The following LDB2 variants were observed in gnomAD, a reference collection of about 807,000 sequenced individuals.
LDB2 encodes the protein LIM domain-binding protein 2.
Under a neutral mutation model 44.3 loss-of-function variants are expected in LDB2, and 12 were observed. The ratio of observed to expected loss-of-function variants is 0.27; its 90% CI spans 0.17 to 0.44. The LOEUF (loss-of-function observed/expected upper bound fraction) is 0.44. LDB2 is among the 20% of genes least tolerant of loss of function. The pLI, the probability that LDB2 is intolerant of heterozygous loss-of-function variation, is 1.00. For synonymous variants in LDB2, 164 were observed against 174.8 expected, an observed-to-expected ratio of 0.94 and a Z score of 0.49; for missense variants, 344 against 473.5, an observed-to-expected ratio of 0.73 and a Z score of 2.54.
chr4:16,796,128 CA>C (rs945845055), intron 1 of LDB2, among the ~76,000 whole-genome samples: 18 of 147,926 alleles, frequency 1.2e-4, no homozygotes, highest in East Asian at 2.0e-4. Flanking sequence ...CCCATCTCTA[CA>C]AAAAAAAAAT....
At chr4:16,819,460 G>GAAAAA (rs369605183) in intron 1 of LDB2, among the ~76,000 whole-genome samples, 35 of 93,280 alleles carry the variant, frequency 3.8e-4, no homozygotes, top group African/African-American at 5.1e-4. Context: ...CTGCACTCAG[G>GAAAAA]AAAAAAAAAA....
At chr4:16,556,680 C>CTAAG (rs1277901589) in intron 5 of LDB2, among the ~76,000 whole-genome samples, 2 of 152,090 alleles carry the variant, frequency 1.3e-5, no homozygotes, top group East Asian at 3.9e-4. Flanking sequence ...AAGAGAAAAC[C>CTAAG]TAAGTGAACC....
At position 16,767,391 on chromosome 4, in the gene LDB2, G is replaced by T. The variant is rs75516345; in HGVS notation, c.133-8131C>A. On this transcript the variant is annotated intron_variant, in intron 1 of 7. Transcript: ENST00000304523. ...CACAAGCATAGGAAAGAAAGCAAAC[G>T]TAGGTTTTCCATGCCACTCCACAAT... Among the ~76,000 whole-genome samples the T allele has an allele frequency of 4.5e-3, 685 of 152,268 alleles. 4 individuals are homozygous for T. The highest frequency in any genetic ancestry group is 0.016 in the African/African-American group (659 of 41,546).
chr4:16,890,355 G>C (rs1230590070), intron 1 of LDB2, among the ~76,000 whole-genome samples: 2 of 152,150 alleles, frequency 1.3e-5, no homozygotes, highest in Non-Finnish European at 2.9e-5. Flanking sequence ...ATGGAAAGGG[G>C]GGGCACGGAG....
intron 2 of LDB2, among the ~76,000 whole-genome samples, chr4:16,687,590 A>G (rs1451666418): frequency 1.3e-5 from 2 of 152,218 alleles, no homozygotes; most frequent in African/African-American, 4.8e-5. Context: ...TAAGTAAACT[A>G]AGTCTGGACT....
chr4:16,629,885 A>G (rs1373546633), intron 2 of LDB2, among the ~76,000 whole-genome samples: 4 of 152,146 alleles, frequency 2.6e-5, no homozygotes, highest in African/African-American at 9.7e-5. Flanking sequence ...ACAAGATTAG[A>G]GAAAAAGGAG....
chr4:16,736,742 C>A (rs945109746), intron 2 of LDB2, among the ~76,000 whole-genome samples: 4 of 152,078 alleles, frequency 2.6e-5, no homozygotes, highest in Non-Finnish European at 5.9e-5. Flanking sequence ...AAAAATAAAT[C>A]TAGAATTTGA....
At chr4:16,544,241 G>A (rs970961229) in intron 5 of LDB2, among the ~76,000 whole-genome samples, 2 of 152,182 alleles carry the variant, frequency 1.3e-5, no homozygotes, top group African/African-American at 4.8e-5. Context: ...TATGAACCCT[G>A]TGAACAACCA....
At chr4:16,873,285 A>G (rs1378309198) in intron 1 of LDB2, among the ~76,000 whole-genome samples, 3 of 152,200 alleles carry the variant, frequency 2.0e-5, no homozygotes, top group Non-Finnish European at 4.4e-5. Flanking sequence ...GATAGTGACT[A>G]AGAGACAAAC....
intron 1 of LDB2, among the ~76,000 whole-genome samples, chr4:16,776,732 G>A (rs1482791734): frequency 6.6e-6 from 1 of 152,236 alleles, no homozygotes. Flanking sequence ...ATAGCATTAA[G>A]TGTACAGCAG....
At chr4:16,637,679 G>T (rs1447022004) in intron 2 of LDB2, among the ~76,000 whole-genome samples, 1 of 152,184 alleles carries the variant, frequency 6.6e-6, no homozygotes, top group Non-Finnish European at 1.5e-5. Context: ...TAAGATAGGG[G>T]TGTCAGGACA....
chr4:16,776,650 C>G (rs559812896), intron 1 of LDB2, among the ~76,000 whole-genome samples: 1 of 152,308 alleles, frequency 6.6e-6, no homozygotes, highest in South Asian at 2.1e-4. Context: ...CACAAATCCA[C>G]GTCCTTGAAG....
intron 2 of LDB2, among the ~76,000 whole-genome samples, chr4:16,672,760 T>G (rs1408802738): frequency 6.6e-6 from 1 of 152,128 alleles, no homozygotes; most frequent in Admixed American, 6.5e-5. Flanking sequence ...CCTCTTTCCC[T>G]GCAGTAACAC....
At chr4:16,532,982 A>G (rs894837977) in intron 5 of LDB2, among the ~76,000 whole-genome samples, 1 of 152,162 alleles carries the variant, frequency 6.6e-6, no homozygotes, top group African/African-American at 2.4e-5. Context: ...AATAAACTCA[A>G]CATCTCAATC....
At chr4:16,686,585 C>G (rs1396938987) in intron 2 of LDB2, among the ~76,000 whole-genome samples, 1 of 152,198 alleles carries the variant, frequency 6.6e-6, no homozygotes, top group African/African-American at 2.4e-5. Flanking sequence ...ACCTAAAAAT[C>G]AGAGACTGCT....
intron 2 of LDB2, among the ~76,000 whole-genome samples, chr4:16,597,118 C>T (rs1476168015): frequency 6.6e-6 from 1 of 152,138 alleles, no homozygotes; most frequent in Non-Finnish European, 1.5e-5. Flanking sequence ...TGATAATCCA[C>T]TTTGTGTGGA....
chr4:16,803,890 A>G (rs1035260923), intron 1 of LDB2, among the ~76,000 whole-genome samples: 2 of 152,256 alleles, frequency 1.3e-5, no homozygotes, highest in East Asian at 3.8e-4. Context: ...TATAACTAAT[A>G]TGGAACTGAA....
At chr4:16,846,113 CAAA>C (rs374522770) in intron 1 of LDB2, among the ~76,000 whole-genome samples, 2 of 111,786 alleles carry the variant, frequency 1.8e-5, no homozygotes, top group Non-Finnish European at 3.7e-5. Context: ...GACTCTGTCT[CAAA>C]AAAAAAAAAA....
chr4:16,652,133 G>C (rs1738457397), intron 2 of LDB2, among the ~76,000 whole-genome samples: 1 of 152,072 alleles, frequency 6.6e-6, no homozygotes, highest in African/African-American at 2.4e-5. Flanking sequence ...TATTTGTAGA[G>C]ATGAGGTCTC....
Sources: allele counts gnomAD v4.1 joint callset (sites outside exome capture counted in the v4.1 genomes callset), GRCh38; gene constraint gnomAD v4.1.1; transcripts MANE v1.5; gene names NCBI Gene and HGNC (gene_info 2026-07-23, HGNC 2026-07-21).